Variants in UBR4 observed in about 807,000 individuals in gnomAD.
The protein encoded by UBR4 is E3 ubiquitin-protein ligase UBR4.
A neutral mutation model predicts 575.6 loss-of-function variants in UBR4; 124 were observed. The ratio of observed to expected loss-of-function variants is 0.22; its 90% CI spans 0.19 to 0.25. The LOEUF (loss-of-function observed/expected upper bound fraction) is 0.25. Ranked by LOEUF, UBR4 falls within the 10% of genes least tolerant of loss-of-function variation. The pLI, the probability that UBR4 is intolerant of heterozygous loss-of-function variation, is 1.00. For synonymous variants in UBR4, 2,455 were observed against 2,473.7 expected, an observed-to-expected ratio of 0.99 and a Z score of 0.22; for missense variants, 4,818 against 6,478.8, an observed-to-expected ratio of 0.74 and a Z score of 8.80.
At chr1:19,075,841 CT>C (rs2075879207) in intron 105 of UBR4, among the ~76,000 whole-genome samples, 1 of 152,218 alleles carries the variant, frequency 6.6e-6, no homozygotes, top group Non-Finnish European at 1.5e-5. Context: ...ACAGTGGGAT[CT>C]GGGGGGAGTT....
chr1:19,098,935 G>GGA (rs1285953455), intron 90 of UBR4, among the ~76,000 whole-genome samples: 1 of 152,152 alleles, frequency 6.6e-6, no homozygotes, highest in Non-Finnish European at 1.5e-5. Flanking sequence ...AATGGCAGGG[G>GGA]GAGAGAGAAA....
At chr1:19,155,140 T>C (rs541880087) in intron 43 of UBR4, 65 bp from the exon 44 acceptor site, 1 of 1,594,926 alleles carries the variant, frequency 6.3e-7, no homozygotes, top group Non-Finnish European at 8.6e-7. Context: ...TTCCGGTTTA[T>C]ACTGGTTATT....
chr1:19,084,581 G>A lies in UBR4; in HGVS notation c.14931C>T (p.Asp4977=). 1 of 1,614,236 alleles carries A rather than the reference G, an allele frequency of 6.2e-7. No individual in the cohort carries two copies. Among genetic ancestry groups the A allele is most frequent in the Non-Finnish European group, 8.5e-7 (1 of 1,180,042 alleles). ...RFAMEQSFSA[D]TGGGGRESNI... ...TGCTCTCCCGGCCGCCCCCGCCAGT[G>A]TCTGCGCTGAACGACTGCTCCATGG... The change falls in exon 102 of 106, where the codon GAC becomes GAT. Residue 4977 remains aspartate, a synonymous_variant. Transcript: ENST00000375254.
At chr1:19,200,859 A>T (rs2092710745) in intron 2 of UBR4, among the ~76,000 whole-genome samples, 1 of 152,088 alleles carries the variant, frequency 6.6e-6, no homozygotes, top group Non-Finnish European at 1.5e-5. Context: ...AAACTGTTCA[A>T]ATAAACAAAT....
At chr1:19,177,837 C>A in intron 18 of UBR4, 94 bp from the exon 19 acceptor site, 1 of 1,362,290 alleles carries the variant, frequency 7.3e-7, no homozygotes, top group Non-Finnish European at 1.0e-6. Flanking sequence ...ATTTCCTAAA[C>A]CCAGGCAGTA....
At position 19,121,433 on chromosome 1, in the gene UBR4, G is replaced by A. The variant is rs200344594; in HGVS notation, c.9897C>T (p.Ser3299=). 5.8e-4 allele frequency: 940 copies of A among 1,612,330 alleles called. 8 individuals carry two copies. In the South Asian group the frequency reaches 7.2e-3, roughly 12 times the overall value. Residue 3299 remains serine (S), a splice_region_variant and synonymous_variant, in exon 68 of 106, where the codon TCC becomes TCT. Transcript: ENST00000375254. ...NWQKFCIKDD[S]VLYFLLQVSF... The stretch of plus-strand genomic sequence containing the variant: ...TGACTTGGAGGAGGAAGTACAGGAC[G>A]GCTGCAAGCAGAGGAGACAGAGGCT...
chr1:19,180,646 G>A (rs116671501), intron 17 of UBR4, among the ~76,000 whole-genome samples: 2 of 151,720 alleles, frequency 1.3e-5, no homozygotes, highest in Non-Finnish European at 2.9e-5. Flanking sequence ...CAAATCAAGG[G>A]GCGTACCTAG....
Position 19,077,996 on chromosome 1 carries a change from G to T in UBR4, c.15304C>A (p.Leu5102Ile). The T allele has an allele frequency of 6.2e-7, 1 of 1,614,092 alleles. No homozygotes were observed. Residue 5102 changes from leucine (L) to isoleucine (I), a missense_variant, in exon 104 of 106, where the codon CTC becomes ATC. By Grantham distance (5) the Leu-to-Ile change is conservative (BLOSUM62 2). This residue lies in a region of UBR4 where 212 missense variants were observed against 221.3 expected (regional missense o/e 0.96). Transcript: ENST00000375254. ...CTTACCTTAAACATGTTGTAAATGA[G>T]ATCGACGAGGGCCCAAAAGAGAAGG... ...SSLLFWALVD[L>I]IYNMFKKVPT...
chr1:19,203,339 A>C (rs2092843472), intron 1 of UBR4, among the ~76,000 whole-genome samples: 2 of 152,024 alleles, frequency 1.3e-5, no homozygotes, highest in South Asian at 4.1e-4. Context: ...CGTCTCTAAT[A>C]AAAATACAAA....
chr1:19,086,563 C>T (rs2077036607), intron 100 of UBR4, 116 bp downstream of exon 100: 9 of 1,437,384 alleles, frequency 6.3e-6, no homozygotes, highest in African/African-American at 1.4e-5. Flanking sequence ...AGGCAGAACA[C>T]CCTACTCTCC....
At chr1:19,118,372 T>A (rs1389603694) in intron 71 of UBR4, 1 of 159,910 alleles carries the variant, frequency 6.3e-6, no homozygotes, top group Admixed American at 6.2e-5. Flanking sequence ...ACATTTTCTT[T>A]AAATTTGTTT....
chr1:19,114,151 A>G (rs2080215452), intron 75 of UBR4, 81 bp from the exon 76 acceptor site: 1 of 1,541,130 alleles, frequency 6.5e-7, no homozygotes, highest in Non-Finnish European at 8.8e-7. Flanking sequence ...CTAACCATTT[A>G]CCAGAACATT....
intron 1 of UBR4, among the ~76,000 whole-genome samples, chr1:19,209,445 T>C (rs1016499741): frequency 6.6e-6 from 1 of 152,204 alleles, no homozygotes; most frequent in Non-Finnish European, 1.5e-5. Flanking sequence ...AAGAATGTGA[T>C]GATATTTTAA....
chr1:19,135,145 A>G (rs1419196551), intron 60 of UBR4, among the ~76,000 whole-genome samples: 1 of 152,104 alleles, frequency 6.6e-6, no homozygotes, highest in Non-Finnish European at 1.5e-5. Flanking sequence ...TTTCCAGCTG[A>G]CCCATTATTA....
At chr1:19,151,144 C>T (rs574551361) in intron 48 of UBR4, 1 of 353,142 alleles carries the variant, frequency 2.8e-6, no homozygotes. Flanking sequence ...TTCACACTAA[C>T]AGCAACTATA....
rs2078560880 is a variant in UBR4 at position 19,100,910 on chromosome 1, A to G, written c.13024-337T>C. ...TTTCCTTCCTCCTCCTGCTGGTCTC[A>G]TGTGATGCTAACCAATTTGGGGCCA... On this transcript the variant is annotated intron_variant, in intron 88 of 105. Coordinates refer to ENST00000375254, the MANE Select transcript of UBR4 (RefSeq NM_020765.3). The surrounding 1 kb of genome is among the most constrained non-coding windows in gnomAD (Gnocchi z 4.2). Among the ~76,000 whole-genome samples the G allele has an allele frequency of 6.6e-6, 1 of 152,012 alleles. No individual in the cohort carries two copies. The highest frequency in any genetic ancestry group is 2.1e-4 in the South Asian group (1 of 4,826).
intron 58 of UBR4, 22 bp downstream of exon 58, chr1:19,140,766 G>T (rs752984770): frequency 6.2e-7 from 1 of 1,607,486 alleles, no homozygotes; most frequent in Non-Finnish European, 8.5e-7. Context: ...CCTGAGCCGT[G>T]CTCCTTGCTG....
intron 81 of UBR4, among the ~76,000 whole-genome samples, chr1:19,109,527 A>T (rs1171361653): frequency 6.6e-6 from 1 of 152,274 alleles, no homozygotes; most frequent in Non-Finnish European, 1.5e-5. Flanking sequence ...AGGCAAAGAA[A>T]GCAGGAGATA....
chr1:19,165,220 TAAG>T (rs772305115), intron 31 of UBR4, 26 bp downstream of exon 31: 12 of 1,593,706 alleles, frequency 7.5e-6, no homozygotes, highest in African/African-American at 1.3e-5. Context: ...AAAGTTCCCA[TAAG>T]AAGATTACTA....
Sources: gnomAD v4.1 joint callset for allele counts (sites outside exome capture counted in the v4.1 genomes callset) on GRCh38, gnomAD v4.1.1 for gene constraint, gnomAD v4.1.1 regional missense constraint, Gnocchi (gnomAD v3.1) non-coding constraint, MANE v1.5 for transcripts, NCBI Gene and HGNC (gene_info 2026-07-23, HGNC 2026-07-21) for gene names.